Variants in ARHGAP26 observed in about 807,000 individuals in gnomAD.
The protein encoded by ARHGAP26 is rho GTPase-activating protein 26.
In ARHGAP26, 38 loss-of-function variants were observed where a neutral mutation model predicts 104.8. The ratio of observed to expected loss-of-function variants is 0.36; its 90% confidence interval spans 0.28 to 0.48. ARHGAP26 has a LOEUF of 0.48. ARHGAP26 is among the 20% of genes least tolerant of loss of function. The probability of loss-of-function intolerance (pLI) is 0.99; values close to 1 mark genes in which losing one functional copy is unlikely to be tolerated. For synonymous variants in ARHGAP26, 341 were observed against 340.0 expected, an observed-to-expected ratio of 1.00 and a Z score of -0.03; for missense variants, 704 against 947.9, an observed-to-expected ratio of 0.74 and a Z score of 3.38.
chr5:142,916,986 G>A (rs1255970621), intron 10 of ARHGAP26, among the ~76,000 whole-genome samples: 1 of 151,980 alleles, frequency 6.6e-6, no homozygotes, highest in Non-Finnish European at 1.5e-5. Context: ...GATTTGAACT[G>A]AGGTTCTCAG....
chr5:142,799,745 C>T (rs1761691355), intron 1 of ARHGAP26, among the ~76,000 whole-genome samples: 1 of 152,174 alleles, frequency 6.6e-6, no homozygotes, highest in Admixed American at 6.5e-5. Context: ...GGAGCAAACC[C>T]ATCTGTTTAT....
intron 21 of ARHGAP26, among the ~76,000 whole-genome samples, chr5:143,209,331 C>G (rs1000193902): frequency 3.9e-5 from 6 of 152,148 alleles, no homozygotes; most frequent in Admixed American, 3.3e-4. Context: ...TCCTACCTCC[C>G]AAAGTATTTC....
intron 8 of ARHGAP26, among the ~76,000 whole-genome samples, chr5:142,905,106 C>T (rs1760924247): frequency 6.6e-6 from 1 of 152,112 alleles, no homozygotes; most frequent in Non-Finnish European, 1.5e-5. Context: ...ACAAAGTGAT[C>T]CCCTCTTTGC....
intron 17 of ARHGAP26, among the ~76,000 whole-genome samples, chr5:143,084,805 G>C (rs561627657): frequency 3.9e-4 from 60 of 152,202 alleles, no homozygotes; most frequent in African/African-American, 1.4e-3. Flanking sequence ...CCACACTTTG[G>C]TGAGGCCGAG....
intron 11 of ARHGAP26, among the ~76,000 whole-genome samples, chr5:142,978,876 A>G (rs1056515106): frequency 1.3e-5 from 2 of 151,974 alleles, no homozygotes; most frequent in African/African-American, 4.8e-5. Flanking sequence ...AAATCTTGAC[A>G]CTTTACCACA....
intron 21 of ARHGAP26, among the ~76,000 whole-genome samples, chr5:143,211,792 C>T (rs997464235): frequency 1.3e-5 from 2 of 152,048 alleles, no homozygotes; most frequent in African/African-American, 4.8e-5. Flanking sequence ...AATTCCTGGG[C>T]TCAAGCAATC....
intron 20 of ARHGAP26, chr5:143,165,985 A>G (rs1412537180): frequency 1.0e-5 from 13 of 1,291,280 alleles, no homozygotes; most frequent in Non-Finnish European, 1.3e-5. Flanking sequence ...GCTCAGTAAA[A>G]GTTACCTGCC....
chr5:142,852,937 T>C (rs1751773372), intron 1 of ARHGAP26, among the ~76,000 whole-genome samples: 1 of 152,214 alleles, frequency 6.6e-6, no homozygotes, highest in South Asian at 2.1e-4. Context: ...CACAGAGATA[T>C]CAGAGTCTCT....
chr5:142,773,481 T>A (rs1755666927), intron 1 of ARHGAP26, among the ~76,000 whole-genome samples: 1 of 152,256 alleles, frequency 6.6e-6, no homozygotes, highest in Non-Finnish European at 1.5e-5. Context: ...TTGTTACTAT[T>A]ACTTCCACTT....
In ARHGAP26 at chr5:142,885,333, G is replaced by T. The variant is rs779977268; in HGVS notation, c.420G>T (p.Lys140Asn). Residue 140 changes from lysine to asparagine, a missense_variant, in exon 5 of 23, where the codon AAG (lysine) becomes AAT (asparagine). Lys to Asn is a moderately conservative substitution (Grantham distance 94). Transcript: ENST00000645722. The part of the protein sequence containing the change: ...AKKKYDKETE[K>N]YCGILEKHLN... Reference sequence around the variant, plus strand: ...AGAAGTATGACAAAGAGACAGAAAAGTATTGTGGCATCTTAGAAAAACACT... The same window carrying T: ...AGAAGTATGACAAAGAGACAGAAAATTATTGTGGCATCTTAGAAAAACACT... 3 of 1,613,716 alleles carry T rather than the reference G, an allele frequency of 1.9e-6. No individual in the cohort carries two copies. In the African/African-American group the frequency reaches 4.0e-5, roughly 22 times the overall value.
chr5:142,953,259 G>C lies in ARHGAP26; in HGVS notation c.1107+21134G>C, dbSNP rs376984414. On this transcript the variant is annotated intron_variant, in intron 11 of 22. Transcript: ENST00000645722. ...AATTTAATTCAGTGAATATTTATTG[G>C]GTATAAACTCTGTACCAGCCACTCT... 2.3e-4 allele frequency among the ~76,000 whole-genome samples: 35 copies of C among 152,142 alleles called. No homozygotes were observed. In the East Asian group the frequency reaches 6.4e-3, roughly 28 times the overall value.
chr5:142,891,623 A>G (rs1208169121), intron 5 of ARHGAP26, among the ~76,000 whole-genome samples: 1 of 151,758 alleles, frequency 6.6e-6, no homozygotes, highest in Non-Finnish European at 1.5e-5. Context: ...CAAGTAGCAT[A>G]TTGTATTTGG....
chr5:142,898,712 T>C (rs1759848797), intron 6 of ARHGAP26, among the ~76,000 whole-genome samples: 1 of 152,228 alleles, frequency 6.6e-6, no homozygotes, highest in South Asian at 2.1e-4. Context: ...ACTGCAACTC[T>C]GTGCAATAGT....
chr5:142,774,453 A>G (rs1289826936), intron 1 of ARHGAP26, among the ~76,000 whole-genome samples: 1 of 152,056 alleles, frequency 6.6e-6, no homozygotes, highest in Admixed American at 6.6e-5. Context: ...ATTCACAGAA[A>G]AATTGAGTGG....
At chr5:143,143,949 T>C (rs1199404421) in intron 19 of ARHGAP26, among the ~76,000 whole-genome samples, 1 of 152,248 alleles carries the variant, frequency 6.6e-6, no homozygotes, top group Non-Finnish European at 1.5e-5. Flanking sequence ...GAGGTCTTGT[T>C]TTCTGTGATT....
chr5:143,226,041 C>T lies in ARHGAP26; in HGVS notation c.*3595C>T, dbSNP rs777806295. The T allele has an allele frequency of 2.8e-5, 6 of 213,082 alleles. No individual in the cohort carries two copies. The highest frequency in any genetic ancestry group is 5.7e-5 in the Non-Finnish European group (6 of 105,244). 13.2% of individuals were successfully genotyped at this position (213,082 alleles called of 1,614,324 possible). ...ATGAATTGGTTATCAGAGTGGAAGA[C>T]CATGGCCCAGGATCCCTGAGCTTTC... is the stretch of plus-strand genomic sequence containing the variant. On this transcript the variant is annotated 3_prime_UTR_variant, in exon 23 of 23. Transcript: ENST00000645722.
At chr5:143,161,067 A>C (rs1287692924) in intron 20 of ARHGAP26, among the ~76,000 whole-genome samples, 1 of 137,602 alleles carries the variant, frequency 7.3e-6, no homozygotes, top group African/African-American at 2.8e-5. Context: ...GCTGGAGTGC[A>C]GTGGAGCGAT....
chr5:143,000,535 G>C (rs577810539), intron 11 of ARHGAP26, among the ~76,000 whole-genome samples: 3 of 152,164 alleles, frequency 2.0e-5, no homozygotes, highest in Non-Finnish European at 4.4e-5. Flanking sequence ...ATACCAAAAG[G>C]ATTATAAATC....
intron 8 of ARHGAP26, 38 bp from the exon 9 acceptor site, chr5:142,907,666 G>C: frequency 7.0e-7 from 1 of 1,427,404 alleles, no homozygotes; most frequent in Non-Finnish European, 9.8e-7. Flanking sequence ...GCATACAGTG[G>C]AATGTATAGA....
Sources: allele counts gnomAD v4.1 joint callset (sites outside exome capture counted in the v4.1 genomes callset), GRCh38; gene constraint gnomAD v4.1.1; transcripts MANE v1.5; gene names NCBI Gene and HGNC (gene_info 2026-07-23, HGNC 2026-07-21).